Variants in JAG1 observed in about 807,000 individuals in gnomAD.
The protein encoded by JAG1 is jagged canonical Notch ligand 1.
In JAG1, 23 loss-of-function variants were observed where a neutral mutation model predicts 148.7. The observed-to-expected ratio is 0.15, with a 90% CI of 0.11 to 0.22. The LOEUF (loss-of-function observed/expected upper bound fraction) is 0.22, where lower values mean the gene tolerates loss of function less well. Among genes scored for constraint, JAG1 ranks in the 10% least tolerant of loss-of-function variants. The probability of loss-of-function intolerance (pLI) is 1.00; values close to 1 mark genes in which losing one functional copy is unlikely to be tolerated. For missense variants in JAG1, 1,054 were observed against 1,611.2 expected (o/e 0.65, Z 5.92); for synonymous variants, 572 against 598.3 (o/e 0.96, Z 0.64).
Position 10,645,891 on chromosome 20 carries a change from G to C in JAG1, c.1999+80C>G. Reference sequence around the variant, plus strand: ...TGCTTCCAGAGATTTCCAGTACAAAGAAAGTTTTCCCACGTTGAAGTGGGA... The same window carrying C: ...TGCTTCCAGAGATTTCCAGTACAAACAAAGTTTTCCCACGTTGAAGTGGGA... On this transcript the variant is annotated intron_variant, in intron 15 of 25. Transcript: ENST00000254958. This position sits in a 1 kb window ranked among gnomAD's most constrained non-coding sequence, Gnocchi z 6.1. 1.0e-6 allele frequency: 1 copy of C among 981,112 alleles called. No individual in the cohort carries two copies. The highest frequency in any genetic ancestry group is 1.3e-5 in the South Asian group (1 of 78,552). The allele number at this position is 981,112 out of a possible 1,614,324, so 60.8% of individuals were successfully genotyped here.
At chr20:10,641,753 A>C in intron 22 of JAG1, 30 bp downstream of exon 22, 1 of 1,609,142 alleles carries the variant, frequency 6.2e-7, no homozygotes, top group South Asian at 1.1e-5. Flanking sequence ...TCCAGAACAC[A>C]GGTGAACTGC....
In JAG1 at chr20:10,649,036, T is replaced by C. The variant is rs748505186; in HGVS notation, c.1395+25A>G. 2.4e-5 allele frequency: 38 copies of C among 1,584,392 alleles called. No individual in the cohort carries two copies. In the South Asian group the frequency reaches 3.6e-4, roughly 15 times the overall value. On this transcript the variant is annotated intron_variant, in intron 11 of 25. Coordinates refer to ENST00000254958, the MANE Select transcript of JAG1 (RefSeq NM_000214.3). ...AGATTTGTTGTCAATTGTCAAAGTT[T>C]TGATTTAAGCAAAGATTTACATACC... is the stretch of plus-strand genomic sequence containing the variant.
Position 10,658,720 on chromosome 20 carries a change from G to A in JAG1, c.442C>T (p.Pro148Ser), listed in dbSNP as rs1355919795. Residue 148 changes from proline (P) to serine (S), a missense_variant and splice_region_variant, in exon 4 of 26, where the codon CCT becomes TCT. Around this residue, in one of 6 missense-constraint regions of JAG1, gnomAD observed 151 missense variants for 211.1 expected, o/e 0.72. Transcript: ENST00000254958. ...GAAGCCTTTTCAATAATACTGTCAGGTTCTAGAGACAAAGTGATGAATCAT... is the reference window on the plus strand; with the variant it reads ...GAAGCCTTTTCAATAATACTGTCAGATTCTAGAGACAAAGTGATGAATCAT... ...AWDSSNDTVQ[P>S]DSIIEKASHS... The A allele has an allele frequency of 8.7e-6, 14 of 1,614,114 alleles. No individual in the cohort carries two copies. Among genetic ancestry groups the A allele is most frequent in the Non-Finnish European group, 1.1e-5 (13 of 1,179,988 alleles).
chr20:10,647,208 C>A, intron 13 of JAG1, 105 bp from the exon 14 acceptor site: 1 of 1,348,802 alleles, frequency 7.4e-7, no homozygotes, highest in Admixed American at 1.8e-5. Flanking sequence ...CAGGGACCCT[C>A]TGGCTAATGA....
intron 25 of JAG1, 105 bp downstream of exon 25, chr20:10,640,678 G>A (rs1374057072): frequency 1.7e-5 from 21 of 1,225,010 alleles, no homozygotes; most frequent in Non-Finnish European, 1.9e-5. Context: ...GAGCTCCTGC[G>A]AGGGTAGGGC....
At chr20:10,656,511 C>T in intron 4 of JAG1, 53 bp from the exon 5 acceptor site, 3 of 1,498,392 alleles carry the variant, frequency 2.0e-6, no homozygotes, top group Non-Finnish European at 2.8e-6. Context: ...CTTGCATCGC[C>T]CCGGTCATGA....
chr20:10,650,759 T>TA, intron 8 of JAG1: 1 of 264,418 alleles, frequency 3.8e-6, no homozygotes, highest in Non-Finnish European at 7.4e-6. Flanking sequence ...CTCATTTGCT[T>TA]ACAGAGTTTG....
chr20:10,649,577 A>T lies in JAG1; in HGVS notation c.1293T>A (p.Ile431=). 1 of 1,614,050 alleles carries T rather than the reference A, an allele frequency of 6.2e-7. No individual in the cohort carries two copies. Among genetic ancestry groups the T allele is most frequent in the Non-Finnish European group, 8.5e-7 (1 of 1,179,910 alleles). ...CVNAKSCKNL[I]ASYYCDCLPG... ...GAAGACAGTCGCAGTAGTAGCTGGC[A>T]ATGAGATTCTTACAGGATTTGGCGT... The change falls in exon 10 of 26, where the codon ATT becomes ATA. Residue 431 remains isoleucine, a synonymous_variant. Transcript: ENST00000254958.
chr20:10,666,891 T>G (rs565292174), intron 2 of JAG1, among the ~76,000 whole-genome samples: 1 of 152,214 alleles, frequency 6.6e-6, no homozygotes, highest in Non-Finnish European at 1.5e-5. Flanking sequence ...GGCCACCAGG[T>G]TCCCAGCAAG....
Position 10,641,165 on chromosome 20 carries a change from T to C in JAG1, c.2996A>G (p.Tyr999Cys). Residue 999 changes from tyrosine (Y) to cysteine (C), a missense_variant, in exon 24 of 26, where the codon TAC (tyrosine) becomes TGC (cysteine). Tyr to Cys is a radical substitution (Grantham distance 194). This residue lies in a region of JAG1 where 342 missense variants were observed against 514.6 expected (regional missense o/e 0.66). Transcript: ENST00000254958. ...LKNVSAEYSIYIACEPSPSAN... is the reference protein window; with the variant it reads ...LKNVSAEYSICIACEPSPSAN... Reference sequence around the variant, plus strand: ...TGAAGGGGAAGGCTCGCAAGCGATGTAGATTGAATATTCAGCGGAAACATT... The same window carrying C: ...TGAAGGGGAAGGCTCGCAAGCGATGCAGATTGAATATTCAGCGGAAACATT... The C allele has an allele frequency of 6.2e-7, 1 of 1,614,048 alleles. No individual in the cohort carries two copies. Among genetic ancestry groups the C allele is most frequent in the Non-Finnish European group, 8.5e-7 (1 of 1,180,006 alleles).
chr20:10,658,746 G>A, intron 3 of JAG1, 24 bp from the exon 4 acceptor site: 1 of 1,612,840 alleles, frequency 6.2e-7, no homozygotes, highest in Non-Finnish European at 8.5e-7. Flanking sequence ...GATGAATCAT[G>A]TTAATATTCA....
intron 25 of JAG1, among the ~76,000 whole-genome samples, 152 bp downstream of exon 25, chr20:10,640,630 TA>T (rs2067264140): frequency 6.6e-6 from 1 of 152,212 alleles, no homozygotes; most frequent in African/African-American, 2.4e-5. Context: ...CATGTGACCT[TA>T]GTAAAGTAGG....
rs140330283 is a variant in JAG1, at chr20:10,644,907, G to A, written c.2300C>T (p.Thr767Met). The A allele has an allele frequency of 1.2e-4, 198 of 1,613,958 alleles. No individual in the cohort carries two copies. The highest frequency in any genetic ancestry group is 1.5e-4 in the Non-Finnish European group (179 of 1,179,972). ...GTCVVNGESFTCVCKEGWEGP... is the reference protein window; with the variant it reads ...GTCVVNGESFMCVCKEGWEGP... ...CTCCCAGCCTTCCTTGCAGACGCACGTAAAGGACTCGCCGTTGACCACACA... is the reference window on the plus strand; with the variant it reads ...CTCCCAGCCTTCCTTGCAGACGCACATAAAGGACTCGCCGTTGACCACACA... Residue 767 changes from threonine to methionine, a missense_variant, in exon 18 of 26, where the codon ACG (threonine) becomes ATG (methionine). Physicochemically the swap from Thr to Met is moderately conservative, Grantham distance 81 (BLOSUM62 -1). Transcript: ENST00000254958.
At position 10,652,972 on chromosome 20, in the gene JAG1, T is replaced by C. The variant is rs1351257288; in HGVS notation, c.756-374A>G. ...GACTCTCTCGGTGACAAGAGAGCTA[T>C]GCCAAAGTCTCTGCAGACGCTGCAC... is the stretch of plus-strand genomic sequence containing the variant. On this transcript the variant is annotated intron_variant, in intron 5 of 25. Transcript: ENST00000254958. Among the ~76,000 whole-genome samples the C allele has an allele frequency of 2.6e-5, 4 of 152,168 alleles. No individual in the cohort carries two copies. The East Asian group carries it at 5.8e-4, about 22-fold the overall frequency.
Position 10,673,016 on chromosome 20 carries a change from A to C in JAG1, c.82-10T>G. ...CCGAGGCCCCACACACCTGCCGGCG[A>C]GGGAAGGAGGTAGGTCAGCGCGGGA... is the stretch of plus-strand genomic sequence containing the variant. On this transcript the variant is annotated splice_polypyrimidine_tract_variant and intron_variant, in intron 1 of 25. Coordinates refer to ENST00000254958, the MANE Select transcript of JAG1 (RefSeq NM_000214.3). This position sits in a 1 kb window ranked among gnomAD's most constrained non-coding sequence, Gnocchi z 4.7. 1 of 1,605,010 alleles carries C rather than the reference A, an allele frequency of 6.2e-7. No homozygotes were observed. The highest frequency in any genetic ancestry group is 8.5e-7 in the Non-Finnish European group (1 of 1,179,886).
rs1045009775 is a variant in JAG1 at position 10,645,889 on chromosome 20, AAG to A, written c.1999+80_1999+81del. The A allele has an allele frequency of 1.2e-5, 12 of 965,736 alleles. No individual in the cohort carries two copies. The African/African-American group carries it at 1.9e-4, about 15-fold the overall frequency. The allele number at this position is 965,736 out of a possible 1,614,324, so 59.8% of individuals were successfully genotyped here. A position where few individuals can be genotyped will look rare whatever the true frequency, so the allele number is the denominator to read the frequency against. ...CTTGCTTCCAGAGATTTCCAGTACA[AAG>A]AAAGTTTTCCCACGTTGAAGTGGGA... On this transcript the variant is annotated intron_variant, in intron 15 of 25. Coordinates refer to ENST00000254958, the MANE Select transcript of JAG1 (RefSeq NM_000214.3). The surrounding 1 kb of genome is among the most constrained non-coding windows in gnomAD (Gnocchi z 6.1).
intron 5 of JAG1, among the ~76,000 whole-genome samples, chr20:10,653,637 C>T (rs577984212): frequency 6.6e-6 from 1 of 151,830 alleles, no homozygotes; most frequent in South Asian, 2.1e-4. Flanking sequence ...AGAACGGGAC[C>T]TGGGAAAAGC....
rs2067305404 is a variant in JAG1, at chr20:10,645,894, A to T, written c.1999+77T>A. ...TTCCAGAGATTTCCAGTACAAAGAAAGTTTTCCCACGTTGAAGTGGGATCC... is the reference window on the plus strand; with the variant it reads ...TTCCAGAGATTTCCAGTACAAAGAATGTTTTCCCACGTTGAAGTGGGATCC... On this transcript the variant is annotated intron_variant, in intron 15 of 25. Coordinates refer to ENST00000254958, the MANE Select transcript of JAG1 (RefSeq NM_000214.3). The surrounding 1 kb of genome is among the most constrained non-coding windows in gnomAD (Gnocchi z 6.1). 4 of 999,238 alleles carry T rather than the reference A, an allele frequency of 4.0e-6. No individual in the cohort carries two copies. Among genetic ancestry groups the T allele is most frequent in the Admixed American group, 1.7e-5 (1 of 59,232 alleles). 61.9% of individuals were successfully genotyped at this position (999,238 alleles called of 1,614,324 possible).
intron 19 of JAG1, among the ~76,000 whole-genome samples, 178 bp downstream of exon 19, chr20:10,644,179 C>G (rs778804548): frequency 6.6e-6 from 1 of 151,972 alleles, no homozygotes; most frequent in Non-Finnish European, 1.5e-5. Context: ...GCAGCAGGAT[C>G]GCTTCACCTG....
Sources: allele counts gnomAD v4.1 joint callset (sites outside exome capture counted in the v4.1 genomes callset), GRCh38; gene constraint gnomAD v4.1.1; regional missense constraint gnomAD v4.1.1; non-coding constraint Gnocchi (gnomAD v3.1); transcripts MANE v1.5; gene names NCBI Gene and HGNC (gene_info 2026-07-23, HGNC 2026-07-21).